CSMD1: variants seen among roughly 807,000 people sequenced by gnomAD.
CSMD1 encodes the protein CUB and sushi domain-containing protein 1.
In CSMD1, 213 loss-of-function variants were observed where a neutral mutation model predicts 417.5. The observed-to-expected ratio is 0.51, with a 90% CI of 0.46 to 0.57. The LOEUF is 0.57. Among genes scored for constraint, CSMD1 ranks in the 20% least tolerant of loss-of-function variants. The pLI is 0.00. For missense variants in CSMD1, 6,923 were observed against 4,529.7 expected, an observed-to-expected ratio of 1.53 and a Z score of -15.17; for synonymous variants, 2,862 against 1,736.8, an observed-to-expected ratio of 1.65 and a Z score of -16.11.
At chr8:4,334,585 C>G (rs918026683) in intron 3 of CSMD1, among the ~76,000 whole-genome samples, 2 of 152,102 alleles carry the variant, frequency 1.3e-5, no homozygotes, top group South Asian at 2.1e-4. Context: ...AGAGACATCT[C>G]TATTTTTATT....
rs1023143054 is a variant in CSMD1 at position 3,817,504 on chromosome 8, C to A, written c.819-63462G>T. ...CCTCGTTAGCGAGGATGGTCTCAATCTCCTGACCTTGTGATCCACCCACCT... is the reference window on the plus strand; with the variant it reads ...CCTCGTTAGCGAGGATGGTCTCAATATCCTGACCTTGTGATCCACCCACCT... On this transcript the variant is annotated intron_variant, in intron 5 of 69. Coordinates refer to ENST00000635120, the MANE Select transcript of CSMD1 (RefSeq NM_033225.6). Among the ~76,000 whole-genome samples, 5 of 151,998 alleles carry A rather than the reference C, an allele frequency of 3.3e-5. No homozygotes were observed. In the East Asian group the frequency reaches 7.8e-4, roughly 24 times the overall value.
At chr8:4,169,390 T>A (rs77880387) in intron 3 of CSMD1, among the ~76,000 whole-genome samples, 105 of 152,294 alleles carry the variant, frequency 6.9e-4, no homozygotes, top group African/African-American at 1.9e-3. Flanking sequence ...CCAAAAAACA[T>A]GAGGCATTGT....
chr8:4,227,987 C>G (rs886506547), intron 3 of CSMD1, among the ~76,000 whole-genome samples: 2 of 151,900 alleles, frequency 1.3e-5, no homozygotes, highest in African/African-American at 4.8e-5. Flanking sequence ...GCCCTCCATC[C>G]TACATTAAAC....
At chr8:4,933,605 A>C (rs1202981650) in intron 1 of CSMD1, among the ~76,000 whole-genome samples, 1 of 152,166 alleles carries the variant, frequency 6.6e-6, no homozygotes, top group Non-Finnish European at 1.5e-5. Flanking sequence ...CTCCGGCACC[A>C]AGTGCAGACC....
intron 6 of CSMD1, among the ~76,000 whole-genome samples, chr8:3,718,878 G>T (rs140969942): frequency 6.6e-6 from 1 of 152,174 alleles, no homozygotes; most frequent in Non-Finnish European, 1.5e-5. Context: ...GTTTTACTTA[G>T]TCTTGTAGTG....
chr8:3,541,458 A>C (rs143245379), intron 10 of CSMD1, among the ~76,000 whole-genome samples: 39 of 152,208 alleles, frequency 2.6e-4, no homozygotes, highest in African/African-American at 7.9e-4. Flanking sequence ...TGATAGGTGT[A>C]ACAAACCACC....
intron 20 of CSMD1, among the ~76,000 whole-genome samples, chr8:3,361,739 T>C (rs1809196424): frequency 6.6e-6 from 1 of 151,826 alleles, no homozygotes; most frequent in Non-Finnish European, 1.5e-5. Flanking sequence ...CCTATTATCT[T>C]ATATAAAGAA....
At chr8:3,944,958 G>A (rs1011814985) in intron 5 of CSMD1, among the ~76,000 whole-genome samples, 4 of 152,172 alleles carry the variant, frequency 2.6e-5, no homozygotes, top group African/African-American at 9.6e-5. Context: ...TTACAAGGAT[G>A]ACAAAGATAT....
intron 3 of CSMD1, among the ~76,000 whole-genome samples, chr8:4,191,700 A>T (rs886676922): frequency 6.6e-6 from 1 of 151,578 alleles, no homozygotes; most frequent in African/African-American, 2.4e-5. Flanking sequence ...TGCCTTTACC[A>T]AATATATATA....
intron 1 of CSMD1, among the ~76,000 whole-genome samples, chr8:4,847,530 T>A (rs1801210564): frequency 6.6e-6 from 1 of 152,174 alleles, no homozygotes; most frequent in African/African-American, 2.4e-5. Context: ...CTTGTCATGG[T>A]TAGTGGGCCG....
intron 6 of CSMD1, among the ~76,000 whole-genome samples, chr8:3,735,836 T>A (rs1430345435): frequency 6.6e-6 from 1 of 152,252 alleles, no homozygotes. Context: ...TTTGAAAATA[T>A]GCATTGATTT....
chr8:3,242,683 G>T (rs1044951311), intron 26 of CSMD1, among the ~76,000 whole-genome samples: 1 of 151,962 alleles, frequency 6.6e-6, no homozygotes, highest in African/African-American at 2.4e-5. Flanking sequence ...AGAAGAGAGG[G>T]GAATGGAGGG....
intron 6 of CSMD1, among the ~76,000 whole-genome samples, chr8:3,724,779 G>A (rs927533243): frequency 1.3e-5 from 2 of 152,164 alleles, no homozygotes; most frequent in Non-Finnish European, 2.9e-5. Flanking sequence ...AAAGCCATAA[G>A]AATACCAGCA....
chr8:3,069,364 G>A (rs563700023), intron 49 of CSMD1, among the ~76,000 whole-genome samples: 2 of 152,106 alleles, frequency 1.3e-5, no homozygotes, highest in Middle Eastern at 3.4e-3. Flanking sequence ...GAAACTGGAA[G>A]GTGGAGGTTG....
chr8:4,681,832 C>G (rs1302408234), intron 1 of CSMD1, among the ~76,000 whole-genome samples: 2 of 152,036 alleles, frequency 1.3e-5, no homozygotes, highest in Non-Finnish European at 2.9e-5. Context: ...CTGATAACCT[C>G]CATTTTCTCC....
At chr8:4,951,636 G>T (rs958808061) in intron 1 of CSMD1, among the ~76,000 whole-genome samples, 1 of 151,520 alleles carries the variant, frequency 6.6e-6, no homozygotes, top group South Asian at 2.1e-4. Context: ...ATGACTTCTG[G>T]GACTGTGAAA....
Position 3,363,476 on chromosome 8 carries a change from CAGG to C in CSMD1, c.3115+3553_3115+3555del, listed in dbSNP as rs540384084. Among the ~76,000 whole-genome samples the C allele has an allele frequency of 4.5e-3, 679 of 152,228 alleles. 2 individuals carry two copies. Among genetic ancestry groups the C allele is most frequent in the Non-Finnish European group, 5.6e-3 (381 of 68,018 alleles). ...TGTCAGAGACACCCTCTGACCTGGACAGGAGGAGTTTTGCCTGGTGAAAAATGT... is the reference window on the plus strand; with the variant it reads ...TGTCAGAGACACCCTCTGACCTGGACAGGAGTTTTGCCTGGTGAAAAATGT... On this transcript the variant is annotated intron_variant, in intron 20 of 69. Coordinates refer to ENST00000635120, the MANE Select transcript of CSMD1 (RefSeq NM_033225.6).
chr8:4,544,267 G>A (rs879435042), intron 2 of CSMD1, among the ~76,000 whole-genome samples: 1 of 152,020 alleles, frequency 6.6e-6, no homozygotes, highest in Non-Finnish European at 1.5e-5. Flanking sequence ...TTAGGTCTAT[G>A]AGCCATTTTT....
intron 51 of CSMD1, among the ~76,000 whole-genome samples, chr8:3,022,029 C>T (rs1809464104): frequency 1.3e-5 from 2 of 149,116 alleles, no homozygotes; most frequent in Non-Finnish European, 3.0e-5. Context: ...CAGAATGCAC[C>T]TGCAATCCCA....
Sources: allele counts gnomAD v4.1 joint callset (sites outside exome capture counted in the v4.1 genomes callset), GRCh38; gene constraint gnomAD v4.1.1; transcripts MANE v1.5; gene names NCBI Gene and HGNC (gene_info 2026-07-23, HGNC 2026-07-21).